UBL3: variants seen among roughly 807,000 people sequenced by gnomAD.
The protein encoded by UBL3 is ubiquitin like 3, also known as ubiquitin-like protein 3.
Under a neutral mutation model 18.4 loss-of-function variants are expected in UBL3, and 6 were observed. That is an observed-to-expected ratio of 0.33 (90% CI 0.18 to 0.64). The LOEUF (loss-of-function observed/expected upper bound fraction) is 0.64, where lower values mean the gene tolerates loss of function less well. Ranked by LOEUF, UBL3 falls within the 30% of genes least tolerant of loss-of-function variation. UBL3 has a pLI of 0.76. For missense variants in UBL3, 109 were observed against 142.9 expected, an observed-to-expected ratio of 0.76 and a Z score of 1.21; for synonymous variants, 49 against 46.6, an observed-to-expected ratio of 1.05 and a Z score of -0.21.
At chr13:29,796,841 T>A (rs1877626991) in intron 1 of UBL3, among the ~76,000 whole-genome samples, 2 of 152,290 alleles carry the variant, frequency 1.3e-5, no homozygotes. Context: ...TTCTAGAAGG[T>A]TTGAGGATTC....
intron 1 of UBL3, among the ~76,000 whole-genome samples, chr13:29,806,340 G>A (rs750563861): frequency 1.3e-5 from 2 of 152,252 alleles, no homozygotes; most frequent in South Asian, 4.1e-4. Context: ...GTTATTGATT[G>A]ACTTACTTTT....
chr13:29,799,601 A>G (rs775959833), intron 1 of UBL3, among the ~76,000 whole-genome samples: 7 of 152,224 alleles, frequency 4.6e-5, no homozygotes, highest in Non-Finnish European at 7.3e-5. Context: ...TTTTACATGC[A>G]TATGAGTGGT....
intron 1 of UBL3, among the ~76,000 whole-genome samples, chr13:29,817,450 G>C (rs567556158): frequency 2.0e-5 from 3 of 152,222 alleles, no homozygotes; most frequent in South Asian, 4.2e-4. Flanking sequence ...CTACTTGGTA[G>C]GGGAGGGGTA....
intron 1 of UBL3, among the ~76,000 whole-genome samples, chr13:29,812,190 C>T (rs1878107672): frequency 6.6e-6 from 1 of 152,012 alleles, no homozygotes; most frequent in Non-Finnish European, 1.5e-5. Flanking sequence ...ATTTATTCCC[C>T]ATGTAAACCT....
At chr13:29,826,892 T>C (rs1187990927) in intron 1 of UBL3, among the ~76,000 whole-genome samples, 2 of 152,242 alleles carry the variant, frequency 1.3e-5, no homozygotes, top group Non-Finnish European at 2.9e-5. Context: ...GTGTCTTTGT[T>C]CTCATGGGTT....
At position 29,767,132 on chromosome 13, in the gene UBL3, A is replaced by G; in HGVS notation, c.*123T>C. 3.5e-6 allele frequency: 3 copies of G among 861,196 alleles called. No homozygotes were observed. The South Asian group carries it at 6.1e-5, about 17-fold the overall frequency. The allele number at this position is 861,196 out of a possible 1,614,324, so 53.3% of individuals were successfully genotyped here. On this transcript the variant is annotated 3_prime_UTR_variant, in exon 5 of 5. Transcript: ENST00000380680. Reference sequence around the variant, plus strand: ...GAAAAGATGACAGTGTTCATGTGGTAATTCAGTTCCATGTGTTTACAGGCA... The same window carrying G: ...GAAAAGATGACAGTGTTCATGTGGTGATTCAGTTCCATGTGTTTACAGGCA...
At chr13:29,782,124 G>A (rs1246166538) in intron 1 of UBL3, among the ~76,000 whole-genome samples, 1 of 152,116 alleles carries the variant, frequency 6.6e-6, no homozygotes, top group Non-Finnish European at 1.5e-5. Flanking sequence ...TGGATCCTTT[G>A]AAGACTATTC....
At chr13:29,800,652 T>C (rs183466540) in intron 1 of UBL3, among the ~76,000 whole-genome samples, 1 of 152,294 alleles carries the variant, frequency 6.6e-6, no homozygotes, top group Admixed American at 6.5e-5. Flanking sequence ...TGAAAGAATA[T>C]TATGCAGCCA....
chr13:29,796,838 A>C (rs957465861), intron 1 of UBL3, among the ~76,000 whole-genome samples: 2 of 152,192 alleles, frequency 1.3e-5, no homozygotes, highest in Non-Finnish European at 2.9e-5. Flanking sequence ...TTCTTCTAGA[A>C]GGTTTGAGGA....
At chr13:29,846,807 G>GT (rs1299555465) in intron 1 of UBL3, among the ~76,000 whole-genome samples, 1 of 152,154 alleles carries the variant, frequency 6.6e-6, no homozygotes. Context: ...GTAAAAAAGT[G>GT]TAACATTTGT....
chr13:29,779,259 A>C (rs1877081898), intron 1 of UBL3: 1 of 504,708 alleles, frequency 2.0e-6, no homozygotes, highest in Non-Finnish European at 3.9e-6. Flanking sequence ...ATTACTACTC[A>C]TGGTTTTCTC....
At chr13:29,809,689 G>A (rs994029994) in intron 1 of UBL3, among the ~76,000 whole-genome samples, 1 of 152,120 alleles carries the variant, frequency 6.6e-6, no homozygotes, top group African/African-American at 2.4e-5. Context: ...AGGCAGTGAA[G>A]AAGATATGTT....
At chr13:29,789,558 T>A (rs1877430021) in intron 1 of UBL3, among the ~76,000 whole-genome samples, 1 of 152,198 alleles carries the variant, frequency 6.6e-6, no homozygotes, top group Non-Finnish European at 1.5e-5. Flanking sequence ...GGCACTAGGC[T>A]AGATGCGCCA....
At chr13:29,808,230 T>C (rs909317201) in intron 1 of UBL3, among the ~76,000 whole-genome samples, 11 of 152,198 alleles carry the variant, frequency 7.2e-5, no homozygotes, top group Admixed American at 7.2e-4. Context: ...AAGTTAATTT[T>C]GTATCAAATT....
chr13:29,849,406 T>G, intron 1 of UBL3, 106 bp downstream of exon 1: 1 of 1,525,260 alleles, frequency 6.6e-7, no homozygotes, highest in Non-Finnish European at 9.0e-7. Flanking sequence ...GCACAGTGGC[T>G]TTTCGACAGT....
intron 2 of UBL3, among the ~76,000 whole-genome samples, chr13:29,774,336 T>C (rs1262189136): frequency 6.6e-6 from 1 of 152,114 alleles, no homozygotes; most frequent in Non-Finnish European, 1.5e-5. Context: ...ATTACCCTTT[T>C]TCTGCCTTGT....
At chr13:29,818,739 TAAAAA>T (rs2139347281) in intron 1 of UBL3, among the ~76,000 whole-genome samples, 1 of 152,230 alleles carries the variant, frequency 6.6e-6, no homozygotes, top group South Asian at 2.1e-4. Context: ...AGTTTAAGAC[TAAAAA>T]ACCCAGAACT....
chr13:29,814,082 C>T (rs913327958), intron 1 of UBL3, among the ~76,000 whole-genome samples: 5 of 152,028 alleles, frequency 3.3e-5, no homozygotes, highest in African/African-American at 1.2e-4. Flanking sequence ...GTTATTAGGT[C>T]TAATCCAAGA....
intron 2 of UBL3, among the ~76,000 whole-genome samples, chr13:29,776,261 C>CTTTT (rs5741722): frequency 4.4e-5 from 4 of 91,702 alleles, no homozygotes; most frequent in Admixed American, 2.4e-4. Flanking sequence ...TCTTTTCTTT[C>CTTTT]TTTTTTTTTT....
Sources: gnomAD v4.1 joint callset for allele counts (sites outside exome capture counted in the v4.1 genomes callset) on GRCh38, gnomAD v4.1.1 for gene constraint, MANE v1.5 for transcripts, NCBI Gene and HGNC (gene_info 2026-07-23, HGNC 2026-07-21) for gene names.